Variants in SEPTIN9 observed in about 807,000 individuals in gnomAD.
SEPTIN9 encodes the protein septin-9.
In SEPTIN9, 13 loss-of-function variants were observed where a neutral mutation model predicts 56.6. That is an observed-to-expected ratio of 0.23 (90% CI 0.15 to 0.37). SEPTIN9 has a LOEUF of 0.37. Ranked by LOEUF, SEPTIN9 falls within the 10% of genes least tolerant of loss-of-function variation. The probability of loss-of-function intolerance (pLI) is 1.00; values close to 1 mark genes in which losing one functional copy is unlikely to be tolerated. For missense variants in SEPTIN9, 650 were observed against 823.1 expected (o/e 0.79, Z 2.57); for synonymous variants, 332 against 334.1 (o/e 0.99, Z 0.07).
intron 3 of SEPTIN9, chr17:77,454,488 G>C (rs1237833823): frequency 2.6e-5 from 15 of 580,184 alleles, no homozygotes; most frequent in Non-Finnish European, 2.8e-5. Context: ...TGGCTGGGAA[G>C]GCGCGGGTCT....
At chr17:77,398,625 C>A (rs1300990993) in intron 2 of SEPTIN9, among the ~76,000 whole-genome samples, 2 of 152,182 alleles carry the variant, frequency 1.3e-5, no homozygotes, top group Non-Finnish European at 2.9e-5. Context: ...AAGATGGACA[C>A]CCCCAGAGTG....
At chr17:77,344,395 G>A (rs1042513952) in intron 2 of SEPTIN9, among the ~76,000 whole-genome samples, 4 of 152,310 alleles carry the variant, frequency 2.6e-5, no homozygotes, top group African/African-American at 7.2e-5. Context: ...TTGGAGCCCC[G>A]TGCACTGCTG....
intron 3 of SEPTIN9, among the ~76,000 whole-genome samples, chr17:77,407,935 A>G (rs116874783): frequency 0.024 from 3,662 of 152,188 alleles, 53 homozygotes; most frequent in Non-Finnish European, 0.036. Flanking sequence ...AGCACCCAGT[A>G]CTGAGCCTGC....
chr17:77,426,617 G>T (rs967369421), intron 3 of SEPTIN9, among the ~76,000 whole-genome samples: 5 of 152,158 alleles, frequency 3.3e-5, no homozygotes, highest in African/African-American at 7.2e-5. Flanking sequence ...TTCCCTCCTG[G>T]AAAGTCCCTC....
At chr17:77,486,528 ACGCGCGCG>A (rs988601176) in intron 4 of SEPTIN9, among the ~76,000 whole-genome samples, 5 of 100,430 alleles carry the variant, frequency 5.0e-5, no homozygotes, top group African/African-American at 1.5e-4. Flanking sequence ...GTGTGCGCGC[ACGCGCGCG>A]CGTGTTATAT....
chr17:77,479,585 G>A (rs1314785985), intron 3 of SEPTIN9, among the ~76,000 whole-genome samples: 1 of 152,210 alleles, frequency 6.6e-6, no homozygotes, highest in Non-Finnish European at 1.5e-5. Context: ...TCTCAAGCGG[G>A]GCCCCTGGTG....
chr17:77,345,067 A>G (rs2033849673), intron 2 of SEPTIN9, among the ~76,000 whole-genome samples: 1 of 152,082 alleles, frequency 6.6e-6, no homozygotes, highest in South Asian at 2.1e-4. Context: ...CCAGACATGA[A>G]AAGACAAATA....
chr17:77,300,091 AG>A (rs757944729), intron 1 of SEPTIN9, among the ~76,000 whole-genome samples: 30 of 152,162 alleles, frequency 2.0e-4, no homozygotes, highest in Admixed American at 1.9e-3. Context: ...ACCTTGACAC[AG>A]GGTGCTGTTC....
chr17:77,292,996 T>G (rs1433440025), intron 1 of SEPTIN9, among the ~76,000 whole-genome samples: 2 of 147,242 alleles, frequency 1.4e-5, no homozygotes, highest in African/African-American at 5.2e-5. Flanking sequence ...GAGCATTTAT[T>G]TATTTATTTA....
At chr17:77,409,061 G>A (rs144066934) in intron 3 of SEPTIN9, among the ~76,000 whole-genome samples, 161 of 152,238 alleles carry the variant, frequency 1.1e-3, no homozygotes, top group African/African-American at 3.7e-3. Flanking sequence ...GTGTCCAGAA[G>A]GCACTGACGT....
Position 77,436,964 on chromosome 17 carries a change from C to T in SEPTIN9, c.721+34261C>T, listed in dbSNP as rs1443293591. On this transcript the variant is annotated intron_variant, in intron 3 of 11. Transcript: ENST00000427177. The surrounding 1 kb of genome is among the most constrained non-coding windows in gnomAD (Gnocchi z 4.4). Reference sequence around the variant, plus strand: ...GTGGAAGATGCAGGACACAGATTCACGCGATTGTGCAGATCACCTGGCCTC... The same window carrying T: ...GTGGAAGATGCAGGACACAGATTCATGCGATTGTGCAGATCACCTGGCCTC... Among the ~76,000 whole-genome samples, 5 of 152,228 alleles carry T rather than the reference C, an allele frequency of 3.3e-5. No individual in the cohort carries two copies. Among genetic ancestry groups the T allele is most frequent in the African/African-American group, 1.2e-4 (5 of 41,460 alleles).
intron 3 of SEPTIN9, among the ~76,000 whole-genome samples, chr17:77,414,139 C>A (rs779880439): frequency 6.6e-6 from 1 of 151,972 alleles, no homozygotes; most frequent in Non-Finnish European, 1.5e-5. Flanking sequence ...AGTGCAGTGG[C>A]GCCATCTCGG....
At chr17:77,344,992 AAAAAG>A (rs1435018531) in intron 2 of SEPTIN9, among the ~76,000 whole-genome samples, 4 of 147,356 alleles carry the variant, frequency 2.7e-5, no homozygotes, top group African/African-American at 1.0e-4. Context: ...AAAAAAAAAA[AAAAAG>A]GAGATTCTGA....
At chr17:77,303,941 A>G (rs1440713498) in intron 1 of SEPTIN9, among the ~76,000 whole-genome samples, 1 of 152,106 alleles carries the variant, frequency 6.6e-6, no homozygotes, top group Non-Finnish European at 1.5e-5. Flanking sequence ...TGCCTCCCAA[A>G]AACTCAAATA....
At chr17:77,379,393 G>T in intron 2 of SEPTIN9, among the ~76,000 whole-genome samples, 1 of 151,894 alleles carries the variant, frequency 6.6e-6, no homozygotes, top group East Asian at 1.9e-4. Context: ...AGCGTGCATG[G>T]TGGCCGTACG....
rs1457229143 is a variant in SEPTIN9, at chr17:77,425,956, G to A, written c.721+23253G>A. On this transcript the variant is annotated intron_variant, in intron 3 of 11. Transcript: ENST00000427177. This position sits in a 1 kb window ranked among gnomAD's most constrained non-coding sequence, Gnocchi z 4.2. Reference sequence around the variant, plus strand: ...GGGCCCTGTGCAGAGGGGAGTGTGTGCGGCTGTGAGTTCAGGCCATGCCCT... The same window carrying A: ...GGGCCCTGTGCAGAGGGGAGTGTGTACGGCTGTGAGTTCAGGCCATGCCCT... 8.5e-5 allele frequency among the ~76,000 whole-genome samples: 13 copies of A among 152,202 alleles called. No homozygotes were observed. The highest frequency in any genetic ancestry group is 1.9e-4 in the East Asian group (1 of 5,174).
chr17:77,373,676 A>T (rs1486496390), intron 2 of SEPTIN9: 1 of 1,411,454 alleles, frequency 7.1e-7, no homozygotes, highest in Non-Finnish European at 9.3e-7. Flanking sequence ...CGGGACCCCT[A>T]ATCCAGGCGC....
intron 2 of SEPTIN9, chr17:77,373,319 C>T: frequency 8.6e-7 from 1 of 1,166,600 alleles, no homozygotes; most frequent in Non-Finnish European, 1.1e-6. Context: ...GAGGGGCCGG[C>T]GCCCGCCTTC....
rs200274444 is a variant in SEPTIN9 at position 77,492,713 on chromosome 17, C to T, written c.1473C>T (p.Phe491=). The change falls in exon 9 of 12, where the codon TTC becomes TTT. Residue 491 remains phenylalanine, a synonymous_variant. Coordinates refer to ENST00000427177, the MANE Select transcript of SEPTIN9 (RefSeq NM_001113491.2). The surrounding 1 kb of genome is among the most constrained non-coding windows in gnomAD (Gnocchi z 5.4). ...AGGACCGGCTGGTGAACGAGAAGTT[C>T]CGGGTGAGTGGATCCACTAGGATGT... ...DSEDRLVNEK[F]REMIPFAVVG... 1.1e-4 allele frequency: 178 copies of T among 1,613,580 alleles called. 1 individual carries two copies. In the Middle Eastern group the frequency reaches 1.3e-3, roughly 12 times the overall value.
Sources: gnomAD v4.1 joint callset for allele counts (sites outside exome capture counted in the v4.1 genomes callset) on GRCh38, gnomAD v4.1.1 for gene constraint, Gnocchi (gnomAD v3.1) non-coding constraint, MANE v1.5 for transcripts, NCBI Gene and HGNC (gene_info 2026-07-23, HGNC 2026-07-21) for gene names.